Variants in RAD17 observed in about 807,000 individuals in gnomAD.
RAD17 encodes cell cycle checkpoint protein RAD17.
RAD17 carries 31 observed loss-of-function variants against 81.5 expected under a neutral mutation model. The ratio of observed to expected loss-of-function variants is 0.38; its 90% CI spans 0.29 to 0.51. RAD17 has a LOEUF of 0.51. Among genes scored for constraint, RAD17 ranks in the 20% least tolerant of loss-of-function variants. The pLI is 0.88. For synonymous variants in RAD17, 261 were observed against 266.2 expected, an observed-to-expected ratio of 0.98 and a Z score of 0.19; for missense variants, 681 against 781.2, an observed-to-expected ratio of 0.87 and a Z score of 1.53.
At chr5:69,400,233 A>ATTTT in intron 17 of RAD17, 64 bp downstream of exon 17, 1 of 212,324 alleles carries the variant, frequency 4.7e-6, no homozygotes, top group East Asian at 1.9e-4. Flanking sequence ...TATTTATTTT[A>ATTTT]TTTTTTTAGG....
chr5:69,404,506 G>A (rs1411306969), intron 17 of RAD17, among the ~76,000 whole-genome samples: 1 of 151,840 alleles, frequency 6.6e-6, no homozygotes, highest in Admixed American at 6.6e-5. Flanking sequence ...GGTGGCTCAC[G>A]CCTGTAACCC....
intron 17 of RAD17, among the ~76,000 whole-genome samples, chr5:69,401,321 A>G (rs552183719): frequency 6.6e-6 from 1 of 152,388 alleles, no homozygotes; most frequent in Admixed American, 6.5e-5. Flanking sequence ...ATGTAGAAAC[A>G]TGCAGAATGA....
At chr5:69,374,810 A>C (rs1367601540) in intron 6 of RAD17, 99 bp downstream of exon 6, 2 of 1,028,532 alleles carry the variant, frequency 1.9e-6, no homozygotes, top group Non-Finnish European at 2.9e-6. Context: ...TTTGTTCAAA[A>C]TAAGTCTAGA....
At chr5:69,399,251 A>G (rs1433378691) in intron 16 of RAD17, among the ~76,000 whole-genome samples, 1 of 152,130 alleles carries the variant, frequency 6.6e-6, no homozygotes, top group Non-Finnish European at 1.5e-5. Context: ...TGAGACCCCC[A>G]TCTCTCAAAA....
At chr5:69,378,230 T>G (rs1479243666) in intron 6 of RAD17, among the ~76,000 whole-genome samples, 2 of 152,250 alleles carry the variant, frequency 1.3e-5, no homozygotes, top group Admixed American at 1.3e-4. Context: ...AAATTTATTT[T>G]AAATACGATA....
At chr5:69,375,717 AATG>A (rs1213955716) in intron 6 of RAD17, among the ~76,000 whole-genome samples, 3 of 152,190 alleles carry the variant, frequency 2.0e-5, no homozygotes, top group South Asian at 2.1e-4. Context: ...AATGCTGTCT[AATG>A]ATGAATTCAT....
intron 6 of RAD17, among the ~76,000 whole-genome samples, chr5:69,380,887 T>C (rs1280910715): frequency 6.6e-6 from 1 of 151,642 alleles, no homozygotes; most frequent in East Asian, 1.9e-4. Context: ...CACCTCAGCC[T>C]CCTGACCAGC....
intron 2 of RAD17, 113 bp from the exon 3 acceptor site, chr5:69,371,341 C>A: frequency 2.1e-6 from 1 of 486,952 alleles, no homozygotes; most frequent in South Asian, 3.5e-5. Flanking sequence ...TTCTTTTTCA[C>A]TAGTTCTTGA....
rs1473635489 is a variant in RAD17 at position 69,393,132 on chromosome 5, ATAAT to A, written c.1190-21_1190-18del. 3 of 1,521,994 alleles carry A rather than the reference ATAAT, an allele frequency of 2.0e-6. No individual in the cohort carries two copies. The highest frequency in any genetic ancestry group is 2.3e-5 in the South Asian group (2 of 86,090). The allele number at this position is 1,521,994 out of a possible 1,614,324, so 94.3% of individuals were successfully genotyped here. A position where few individuals can be genotyped will look rare whatever the true frequency, so the allele number is the denominator to read the frequency against. ...AATTATAAAGAAGGTATTATCTTTA[ATAAT>A]TCCAGAAATTTTTTATAGGAGCATC... On this transcript the variant is annotated intron_variant, in intron 13 of 18. Transcript: ENST00000354868.
chr5:69,397,251 C>G (rs1359442031), intron 16 of RAD17, among the ~76,000 whole-genome samples: 1 of 152,014 alleles, frequency 6.6e-6, no homozygotes, highest in Non-Finnish European at 1.5e-5. Context: ...AAGCAATTCT[C>G]CCACCTCAGC....
Position 69,389,040 on chromosome 5 carries a change from G to A in RAD17, c.901G>A (p.Gly301Arg). The change falls in exon 12 of 19, where the codon GGA (glycine) becomes AGA (arginine). Residue 301 changes from glycine (G) to arginine (R), a missense_variant. Physicochemically the swap from Gly to Arg is moderately radical, Grantham distance 125. Transcript: ENST00000354868. ...IVTIEANKNGGKITVPDKTSL... is the reference protein window; with the variant it reads ...IVTIEANKNGRKITVPDKTSL... Reference sequence around the variant, plus strand: ...TTTAATTTTCTTATTTTAGAATGGAGGAAAAATTACTGTCCCTGACAAAAC... The same window carrying A: ...TTTAATTTTCTTATTTTAGAATGGAAGAAAAATTACTGTCCCTGACAAAAC... The A allele has an allele frequency of 6.8e-7, 1 of 1,469,954 alleles. No individual in the cohort carries two copies. Among genetic ancestry groups the A allele is most frequent in the East Asian group, 2.5e-5 (1 of 40,158 alleles). 91.1% of individuals were successfully genotyped at this position (1,469,954 alleles called of 1,614,324 possible). A position where few individuals can be genotyped will look rare whatever the true frequency, so the allele number is the denominator to read the frequency against.
chr5:69,404,769 CA>C (rs35403077), intron 17 of RAD17, among the ~76,000 whole-genome samples: 72,179 of 142,660 alleles, frequency 0.51, 17,445 homozygotes, highest in Admixed American at 0.54. Context: ...AATTCTGTTT[CA>C]AAAAAAAAAA....
chr5:69,395,697 T>TA (rs949328812), intron 15 of RAD17, among the ~76,000 whole-genome samples: 41 of 151,274 alleles, frequency 2.7e-4, no homozygotes, highest in East Asian at 9.7e-4. Context: ...AATTAAAAAT[T>TA]AAAAAAAAAT....
At chr5:69,396,277 G>A in intron 15 of RAD17, 120 bp from the exon 16 acceptor site, 1 of 1,034,408 alleles carries the variant, frequency 9.7e-7, no homozygotes, top group Non-Finnish European at 1.4e-6. Context: ...GGGCTGTAGT[G>A]ATGTTGAAGA....
At chr5:69,385,237 G>A (rs2150811660) in intron 8 of RAD17, among the ~76,000 whole-genome samples, 1 of 150,604 alleles carries the variant, frequency 6.6e-6, no homozygotes, top group Middle Eastern at 3.5e-3. Flanking sequence ...TGGGATTACA[G>A]GCGTGAGCCA....
rs574813044 is a variant in RAD17, at chr5:69,376,808, C to T, written c.351+2097C>T. On this transcript the variant is annotated intron_variant, in intron 6 of 18. Transcript: ENST00000354868. ...TTGCTTTGTCACACAGGCTAGAGTG[C>T]AGTGGCATGATCTTGGCTCACTGCA... is the stretch of plus-strand genomic sequence containing the variant. Among the ~76,000 whole-genome samples, 78 of 151,680 alleles carry T rather than the reference C, an allele frequency of 5.1e-4. No homozygotes were observed. In the South Asian group the frequency reaches 0.016, roughly 30 times the overall value.
At chr5:69,402,401 C>CG (rs1765328227) in intron 17 of RAD17, among the ~76,000 whole-genome samples, 1 of 151,862 alleles carries the variant, frequency 6.6e-6, no homozygotes, top group African/African-American at 2.4e-5. Context: ...CGCAGTGGTT[C>CG]ACGCCTGTAA....
chr5:69,394,125 G>A (rs1764726498), intron 15 of RAD17, among the ~76,000 whole-genome samples: 1 of 146,992 alleles, frequency 6.8e-6, no homozygotes. Flanking sequence ...TACAAACATG[G>A]TTCACTGCAA....
Position 69,408,538 on chromosome 5 carries a change from G to A in RAD17, c.1694-1955G>A, listed in dbSNP as rs1000946350. ...TTTTTTTTTTTTTTTTTTGAGGAAAGAGTCTCGCTCTGTCACCCAGACTGG... is the reference window on the plus strand; with the variant it reads ...TTTTTTTTTTTTTTTTTTGAGGAAAAAGTCTCGCTCTGTCACCCAGACTGG... On this transcript the variant is annotated intron_variant, in intron 17 of 18. Coordinates refer to ENST00000354868, the MANE Select transcript of RAD17 (RefSeq NM_133338.3). Among the ~76,000 whole-genome samples the A allele has an allele frequency of 2.9e-3, 293 of 100,296 alleles. 1 individual carries two copies. The highest frequency in any genetic ancestry group is 0.011 in the African/African-American group (287 of 26,480). 65.8% of individuals were successfully genotyped at this position (100,296 alleles called of 152,430 possible). A position where few individuals can be genotyped will look rare whatever the true frequency, so the allele number is the denominator to read the frequency against.
Sources: gnomAD v4.1 joint callset for allele counts (sites outside exome capture counted in the v4.1 genomes callset) on GRCh38, gnomAD v4.1.1 for gene constraint, MANE v1.5 for transcripts, NCBI Gene and HGNC (gene_info 2026-07-23, HGNC 2026-07-21) for gene names.